NPNT: variants seen among roughly 807,000 people sequenced by gnomAD.
The protein encoded by NPNT is nephronectin.
A neutral mutation model predicts 68.6 loss-of-function variants in NPNT; 45 were observed. The observed-to-expected ratio is 0.66, with a 90% confidence interval of 0.52 to 0.84. The LOEUF is 0.84. Among genes scored for constraint, NPNT ranks in the 40% least tolerant of loss-of-function variants. The probability of loss-of-function intolerance (pLI) is 0.00; values close to 1 mark genes in which losing one functional copy is unlikely to be tolerated. For missense variants in NPNT, 672 were observed against 714.8 expected (o/e 0.94, Z 0.68); for synonymous variants, 233 against 253.3 (o/e 0.92, Z 0.76).
chr4:105,956,317 T>A (rs1731219857), intron 8 of NPNT, among the ~76,000 whole-genome samples: 1 of 152,080 alleles, frequency 6.6e-6, no homozygotes, highest in Non-Finnish European at 1.5e-5. Flanking sequence ...AATGCTATGC[T>A]TTTTGCTTGG....
intron 10 of NPNT, among the ~76,000 whole-genome samples, chr4:105,961,856 G>A (rs1731742345): frequency 6.6e-6 from 1 of 152,148 alleles, no homozygotes; most frequent in Non-Finnish European, 1.5e-5. Context: ...TAATATTGAA[G>A]ATAAACTGAC....
rs1318615157 is a variant in NPNT, at chr4:105,969,016, C to T, written c.*26C>T. 4 of 1,334,912 alleles carry T rather than the reference C, an allele frequency of 3.0e-6. No individual in the cohort carries two copies. Among genetic ancestry groups the T allele is most frequent in the South Asian group, 1.2e-5 (1 of 84,368 alleles). 82.7% of individuals were successfully genotyped at this position (1,334,912 alleles called of 1,614,324 possible). On this transcript the variant is annotated 3_prime_UTR_variant, in exon 12 of 12. Coordinates refer to ENST00000379987, the MANE Select transcript of NPNT (RefSeq NM_001033047.3). ...CAACTCCAGAACTAACAATGAACTC[C>T]TATGTTGCTCTATCCTCTTTTTCCA...
intron 6 of NPNT, 30 bp from the exon 7 acceptor site, chr4:105,940,484 A>G (rs1471609934): frequency 1.3e-6 from 2 of 1,595,442 alleles, no homozygotes; most frequent in Non-Finnish European, 1.7e-6. Context: ...CTCCTAAATA[A>G]GTCTCTTCTT....
intron 2 of NPNT, among the ~76,000 whole-genome samples, chr4:105,924,039 G>GCCC (rs35043121): frequency 6.4e-5 from 9 of 140,358 alleles, no homozygotes; most frequent in Non-Finnish European, 1.1e-4. Flanking sequence ...CCTTTGCTGC[G>GCCC]CCCCCCCCCC....
intron 3 of NPNT, among the ~76,000 whole-genome samples, chr4:105,931,838 T>TA (rs1028087672): frequency 1.1e-4 from 17 of 150,746 alleles, no homozygotes; most frequent in Admixed American, 4.0e-4. Flanking sequence ...AGACTCCATC[T>TA]AAAAAAAAAG....
intron 2 of NPNT, among the ~76,000 whole-genome samples, chr4:105,915,815 A>C (rs984132779): frequency 6.6e-6 from 1 of 152,148 alleles, no homozygotes; most frequent in African/African-American, 2.4e-5. Flanking sequence ...ACAGGCTATG[A>C]TTTCATTTCT....
Position 105,927,374 on chromosome 4 carries a change from G to C in NPNT, c.211G>C (p.Gly71Arg), listed in dbSNP as rs768930607. Reference sequence around the variant, plus strand: ...ACGATGCAAACATGGTGAATGTATCGGGCCAAACAAGTGCAAGTGTCATCC... The same window carrying C: ...ACGATGCAAACATGGTGAATGTATCCGGCCAAACAAGTGCAAGTGTCATCC... Reference protein sequence around the residue: ...QPRCKHGECIGPNKCKCHPGY... With the variant: ...QPRCKHGECIRPNKCKCHPGY... Residue 71 changes from glycine (G) to arginine (R), a missense_variant, in exon 3 of 12, where the codon GGG becomes CGG. Gly to Arg is a moderately radical substitution (Grantham distance 125). Transcript: ENST00000379987. 1 of 1,612,632 alleles carries C rather than the reference G, an allele frequency of 6.2e-7. No homozygotes were observed. The highest frequency in any genetic ancestry group is 8.5e-7 in the Non-Finnish European group (1 of 1,179,318).
intron 10 of NPNT, among the ~76,000 whole-genome samples, chr4:105,966,820 G>A (rs956818351): frequency 8.5e-5 from 13 of 152,064 alleles, no homozygotes; most frequent in Admixed American, 1.3e-4. Context: ...AAGCCAGATC[G>A]CCAGGGGTGT....
In NPNT at chr4:105,945,497, T is replaced by A. The variant is rs551314561; in HGVS notation, c.1159+2795T>A. On this transcript the variant is annotated intron_variant, in intron 8 of 11. Transcript: ENST00000379987. ...TCTCAGCCTTTCTTATCCCAGGTAA[T>A]GGGACCTCTATCACCTGTTGCTAAG... is the stretch of plus-strand genomic sequence containing the variant. Among the ~76,000 whole-genome samples the A allele has an allele frequency of 2.0e-5, 3 of 152,344 alleles. No homozygotes were observed. In the South Asian group the frequency reaches 6.2e-4, roughly 32 times the overall value.
chr4:105,899,143 A>G (rs1018973048), intron 2 of NPNT, among the ~76,000 whole-genome samples: 3 of 152,154 alleles, frequency 2.0e-5, no homozygotes, highest in African/African-American at 7.2e-5. Context: ...TGTCTTCCTT[A>G]ATTTTGTGAA....
intron 5 of NPNT, among the ~76,000 whole-genome samples, chr4:105,939,391 A>T (rs1274990852): frequency 6.6e-6 from 1 of 152,194 alleles, no homozygotes; most frequent in Non-Finnish European, 1.5e-5. Context: ...ATGTAGCTCA[A>T]GTACAGGGTG....
At chr4:105,901,222 T>C (rs1346480346) in intron 2 of NPNT, among the ~76,000 whole-genome samples, 1 of 152,228 alleles carries the variant, frequency 6.6e-6, no homozygotes, top group African/African-American at 2.4e-5. Flanking sequence ...TGGAAACAAT[T>C]GTTAACCAAA....
rs1337299950 is a variant in NPNT, at chr4:105,895,687, C to T, written c.35C>T (p.Ser12Leu). Residue 12 changes from serine to leucine, a missense_variant, in exon 1 of 12, where the codon TCG becomes TTG. Coordinates refer to ENST00000379987, the MANE Select transcript of NPNT (RefSeq NM_001033047.3). ...DFLLALVLVSSLYLQAAAEFD... is the reference protein window; with the variant it reads ...DFLLALVLVSLLYLQAAAEFD... ...CTCCTGGCGCTGGTGCTGGTATCCT[C>T]GCTCTACCTGCAGGCGGCCGCCGAG... 12 of 1,553,890 alleles carry T rather than the reference C, an allele frequency of 7.7e-6. No homozygotes were observed. The highest frequency in any genetic ancestry group is 9.6e-6 in the Non-Finnish European group (11 of 1,148,338).
rs527945225 is a variant in NPNT, at chr4:105,927,182, G to A, written c.173-154G>A. 1.1e-5 allele frequency: 6 copies of A among 535,862 alleles called. No homozygotes were observed. In the Admixed American group the frequency reaches 1.7e-4, roughly 15 times the overall value. 33.2% of individuals were successfully genotyped at this position (535,862 alleles called of 1,614,324 possible). ...CACATGTGTGTGTGTGTAGCTTACA[G>A]AGTGTTTATAGGAAACTGATTTTGT... On this transcript the variant is annotated intron_variant, in intron 2 of 11. Coordinates refer to ENST00000379987, the MANE Select transcript of NPNT (RefSeq NM_001033047.3).
At chr4:105,908,053 GT>G (rs1560891259) in intron 2 of NPNT, among the ~76,000 whole-genome samples, 1 of 151,986 alleles carries the variant, frequency 6.6e-6, no homozygotes, top group African/African-American at 2.4e-5. Context: ...AAATCAACCT[GT>G]TATTCTTAAC....
chr4:105,966,216 C>T (rs1732121913), intron 10 of NPNT, among the ~76,000 whole-genome samples: 1 of 152,164 alleles, frequency 6.6e-6, no homozygotes, highest in Non-Finnish European at 1.5e-5. Context: ...TTTCAGTTGA[C>T]TGAGATAAAA....
rs114952062 is a variant in NPNT, at chr4:105,944,004, A to C, written c.1159+1302A>C. Among the ~76,000 whole-genome samples the C allele has an allele frequency of 4.1e-3, 629 of 152,202 alleles. 8 individuals are homozygous for C. The highest frequency in any genetic ancestry group is 0.027 in the Middle Eastern group (8 of 292). ...AAATGAATAAATAAATAAACTAATA[A>C]AGGGGATATCAGAGCCGCATTTTGC... On this transcript the variant is annotated intron_variant, in intron 8 of 11. Transcript: ENST00000379987.
At chr4:105,940,009 T>G (rs1157527052) in intron 5 of NPNT, 66 bp from the exon 6 acceptor site, 1 of 1,422,916 alleles carries the variant, frequency 7.0e-7, no homozygotes, top group African/African-American at 1.4e-5. Flanking sequence ...AGTTATTTAT[T>G]TTGAAACCCA....
rs895846593 is a variant in NPNT, at chr4:105,929,648, A to G, written c.265+2220A>G. ...GTATACTTTTTTTAAAGTGGTGAAC[A>G]TAAGCCCTCAGAGGTTTCATTAATA... On this transcript the variant is annotated intron_variant, in intron 3 of 11. Coordinates refer to ENST00000379987, the MANE Select transcript of NPNT (RefSeq NM_001033047.3). The G allele has an allele frequency of 1.4e-4, 21 of 151,940 alleles. 1 individual carries two copies. The highest frequency in any genetic ancestry group is 1.0e-3 in the Admixed American group (16 of 15,272). The allele number at this position is 151,940 out of a possible 1,614,324, so 9.4% of individuals were successfully genotyped here.
Sources: allele counts gnomAD v4.1 joint callset (sites outside exome capture counted in the v4.1 genomes callset), GRCh38; gene constraint gnomAD v4.1.1; transcripts MANE v1.5; gene names NCBI Gene and HGNC (gene_info 2026-07-23, HGNC 2026-07-21).